Variants in PCDHGA2 observed in about 807,000 individuals in gnomAD.
PCDHGA2 encodes the protein protocadherin gamma-A2.
PCDHGA2 carries 40 observed loss-of-function variants against 59.2 expected under a neutral mutation model. The ratio of observed to expected loss-of-function variants is 0.68; its 90% CI spans 0.52 to 0.88. The LOEUF (loss-of-function observed/expected upper bound fraction) is 0.88, where lower values mean the gene tolerates loss of function less well. PCDHGA2 is among the 40% of genes least tolerant of loss of function. The probability of loss-of-function intolerance (pLI) is 0.00; values close to 1 mark genes in which losing one functional copy is unlikely to be tolerated. For missense variants in PCDHGA2, 1,226 were observed against 1,204.0 expected (o/e 1.02, Z -0.27); for synonymous variants, 560 against 526.0 (o/e 1.06, Z -0.89).
Position 141,341,068 on chromosome 5 carries a change from G to C in PCDHGA2, c.2097G>C (p.Ala699=), listed in dbSNP as rs142588721. 1.0e-4 allele frequency: 162 copies of C among 1,614,042 alleles called. No individual in the cohort carries two copies. The highest frequency in any genetic ancestry group is 1.3e-4 in the Non-Finnish European group (156 of 1,180,030). ...LTLYLVVAVA[A]VSCVFLAFVI... ...TGTACCTGGTGGTGGCGGTGGCCGC[G>C]GTCTCCTGCGTCTTCCTGGCCTTCG... The change falls in exon 1 of 4, where the codon GCG becomes GCC. Residue 699 remains alanine (A), a synonymous_variant. Transcript: ENST00000394576.
chr5:141,402,352 T>G (rs949706048), intron 1 of PCDHGA2, among the ~76,000 whole-genome samples: 1 of 151,978 alleles, frequency 6.6e-6, no homozygotes, highest in Non-Finnish European at 1.5e-5. Flanking sequence ...AAATTAAAAA[T>G]GAATGTACTT....
intron 1 of PCDHGA2, among the ~76,000 whole-genome samples, chr5:141,451,542 G>A (rs1023356681): frequency 3.3e-5 from 5 of 152,148 alleles, no homozygotes; most frequent in Non-Finnish European, 7.3e-5. Context: ...GCCAGAGAGG[G>A]CAAATGTGAT....
In PCDHGA2 at chr5:141,477,088, C is replaced by G. The variant is rs1008530221; in HGVS notation, c.2425-17719C>G. On this transcript the variant is annotated intron_variant, in intron 1 of 3. Transcript: ENST00000394576. This position sits in a 1 kb window ranked among gnomAD's most constrained non-coding sequence, Gnocchi z 4.9. ...AACTCCATGAGATTTACATCCAGGC[C>G]AAAGACAAGGGCGCCAATCCCGAAG... The G allele has an allele frequency of 1.2e-6, 2 of 1,614,112 alleles. No individual in the cohort carries two copies. The highest frequency in any genetic ancestry group is 1.6e-4 in the Middle Eastern group (1 of 6,084).
intron 1 of PCDHGA2, among the ~76,000 whole-genome samples, chr5:141,448,837 C>CT (rs2098610093): frequency 6.6e-6 from 1 of 152,014 alleles, no homozygotes; most frequent in Non-Finnish European, 1.5e-5. Context: ...CCCAGCTACT[C>CT]TGGAGGCTGA....
chr5:141,364,254 G>A, intron 1 of PCDHGA2: 1 of 1,492,278 alleles, frequency 6.7e-7, no homozygotes, highest in Non-Finnish European at 8.9e-7. Flanking sequence ...CAGGGAATAT[G>A]TACCCATCGG....
chr5:141,338,995 A>C lies in PCDHGA2; in HGVS notation c.24A>C (p.Pro8=). 6.5e-7 allele frequency: 1 copy of C among 1,547,780 alleles called. No homozygotes were observed. The highest frequency in any genetic ancestry group is 2.1e-5 in the Admixed American group (1 of 48,144). The change falls in exon 1 of 4, where the codon CCA becomes CCC. Residue 8 remains proline, a synonymous_variant. Coordinates refer to ENST00000394576, the MANE Select transcript of PCDHGA2 (RefSeq NM_018915.4). ...AAATGGCGGCTCTGCAAAAGTTGCC[A>C]CACTGCAGAAAGCTGGTCCTGCTGT... MAALQKL[P]HCRKLVLLCF...
chr5:141,375,038 G>A (rs1771073387), intron 1 of PCDHGA2: 1 of 1,614,038 alleles, frequency 6.2e-7, no homozygotes, highest in Non-Finnish European at 8.5e-7. Context: ...TGAGCTGGGT[G>A]TTGAAGCCCG....
At chr5:141,365,677 A>C (rs753922826) in intron 1 of PCDHGA2, 1 of 1,613,140 alleles carries the variant, frequency 6.2e-7, no homozygotes, top group South Asian at 1.1e-5. Flanking sequence ...ATGACAACCC[A>C]CCCAATTTCC....
intron 1 of PCDHGA2, among the ~76,000 whole-genome samples, chr5:141,433,790 T>A (rs1052636810): frequency 2.0e-5 from 3 of 151,564 alleles, no homozygotes; most frequent in South Asian, 4.2e-4. Flanking sequence ...TGAGCTGAGA[T>A]TGTGCCATTG....
chr5:141,420,080 C>G, intron 1 of PCDHGA2: 2 of 1,614,010 alleles, frequency 1.2e-6, no homozygotes, highest in African/African-American at 1.3e-5. Flanking sequence ...TGTGGGTCCC[C>G]CCAACTACAG....
intron 1 of PCDHGA2, chr5:141,400,414 C>G: frequency 6.2e-7 from 1 of 1,614,058 alleles, no homozygotes; most frequent in African/African-American, 1.3e-5. Flanking sequence ...GTTTAATTTC[C>G]TAAAATGTAG....
intron 1 of PCDHGA2, chr5:141,402,790 A>G: frequency 1.0e-6 from 1 of 961,364 alleles, no homozygotes; most frequent in Non-Finnish European, 1.5e-6. Flanking sequence ...TTCTGCGGCT[A>G]CACAAAACCC....
intron 1 of PCDHGA2, chr5:141,418,422 G>A: frequency 6.2e-7 from 1 of 1,613,996 alleles, no homozygotes; most frequent in East Asian, 2.2e-5. Context: ...AATCCTGATG[G>A]TGGCAAATAT....
At position 141,352,366 on chromosome 5, in the gene PCDHGA2, G is replaced by T. The variant is rs186670703; in HGVS notation, c.2424+10971G>T. ...TGATCTCAGTGCTCTTTCTCCTCGC[G>T]GTGATTCTAGCGATCGCCCTGCGCC... On this transcript the variant is annotated intron_variant, in intron 1 of 3. Transcript: ENST00000394576. The T allele has an allele frequency of 3.3e-4, 532 of 1,614,022 alleles. 2 individuals are homozygous for T. In the East Asian group the frequency reaches 7.1e-3, roughly 22 times the overall value.
chr5:141,420,256 T>C (rs377440259), intron 1 of PCDHGA2: 2 of 1,569,010 alleles, frequency 1.3e-6, no homozygotes, highest in Non-Finnish European at 1.7e-6. Flanking sequence ...TTGAAGCAGA[T>C]AAGAAGATTC....
chr5:141,458,990 C>T (rs2098958778), intron 1 of PCDHGA2, among the ~76,000 whole-genome samples: 1 of 152,212 alleles, frequency 6.6e-6, no homozygotes, highest in Non-Finnish European at 1.5e-5. Context: ...GCCTCACCCT[C>T]CCAAAGTGCT....
chr5:141,432,586 C>G lies in PCDHGA2; in HGVS notation c.2425-62221C>G. 6.2e-7 allele frequency: 1 copy of G among 1,613,852 alleles called. No homozygotes were observed. The highest frequency in any genetic ancestry group is 8.5e-7 in the Non-Finnish European group (1 of 1,179,972). On this transcript the variant is annotated intron_variant, in intron 1 of 3. Transcript: ENST00000394576. The surrounding 1 kb of genome is among the most constrained non-coding windows in gnomAD (Gnocchi z 6.0). ...ACGCCTGGCTGTCCTACCGTCTGCT[C>G]AAGGCCAGCGAGCCGGGACTCTTCT...
At chr5:141,345,489 C>G in intron 1 of PCDHGA2, 1 of 1,614,128 alleles carries the variant, frequency 6.2e-7, no homozygotes, top group Non-Finnish European at 8.5e-7. Flanking sequence ...CAACAACGCC[C>G]GCATCACTTA....
chr5:141,383,476 GA>G, intron 1 of PCDHGA2: 2 of 1,613,748 alleles, frequency 1.2e-6, no homozygotes, highest in Non-Finnish European at 1.7e-6. Context: ...TAAGTACCCG[GA>G]ACTGGTGCTG....
Sources: allele counts gnomAD v4.1 joint callset (sites outside exome capture counted in the v4.1 genomes callset), GRCh38; gene constraint gnomAD v4.1.1; non-coding constraint Gnocchi (gnomAD v3.1); transcripts MANE v1.5; gene names NCBI Gene and HGNC (gene_info 2026-07-23, HGNC 2026-07-21).